The following RARS1 variants were observed in gnomAD, a reference collection of about 807,000 sequenced individuals.
The protein encoded by RARS1 is arginyl-tRNA synthetase 1.
Under a neutral mutation model 78.7 loss-of-function variants are expected in RARS1, and 75 were observed. The ratio of observed to expected loss-of-function variants is 0.95; its 90% CI spans 0.79 to 1.15. The LOEUF (loss-of-function observed/expected upper bound fraction) is 1.15, where lower values mean the gene tolerates loss of function less well. RARS1 is among the 50% of genes most tolerant of loss of function. The pLI is 0.00. For missense variants in RARS1, 787 were observed against 787.5 expected (o/e 1.00, Z 0.01); for synonymous variants, 273 against 268.2 (o/e 1.02, Z -0.18).
At chr5:168,494,050 C>A in intron 4 of RARS1, 48 bp downstream of exon 4, 4 of 1,483,378 alleles carry the variant, frequency 2.7e-6, no homozygotes, top group Non-Finnish European at 3.7e-6. Context: ...AACATGAGTC[C>A]TTTTTGAAGT....
At chr5:168,504,670 A>G (rs1199522082) in intron 9 of RARS1, among the ~76,000 whole-genome samples, 1 of 150,516 alleles carries the variant, frequency 6.6e-6, no homozygotes, top group East Asian at 2.0e-4. Context: ...CTAAAAATAC[A>G]AAAAATTAGC....
chr5:168,504,650 C>A (rs1480871176), intron 9 of RARS1, among the ~76,000 whole-genome samples: 7 of 151,856 alleles, frequency 4.6e-5, no homozygotes, highest in Non-Finnish European at 1.0e-4. Context: ...ACGGTGAAAC[C>A]CCGTCTCTAC....
At chr5:168,507,475 T>TA (rs1470146181) in intron 11 of RARS1, among the ~76,000 whole-genome samples, 1 of 152,200 alleles carries the variant, frequency 6.6e-6, no homozygotes, top group African/African-American at 2.4e-5. Context: ...TAGGATCACT[T>TA]ACCAAAAATC....
At position 168,494,984 on chromosome 5, in the gene RARS1, G is replaced by GGTCTAGC. The variant is rs2152903918; in HGVS notation, c.580-330_580-324dup. 9.1e-6 allele frequency: 3 copies of GGTCTAGC among 329,044 alleles called. No individual in the cohort carries two copies. In the East Asian group the frequency reaches 1.8e-4, roughly 19 times the overall value. 20.4% of individuals were successfully genotyped at this position (329,044 alleles called of 1,614,324 possible). ...CATTTATGAAGTAGCCTTTCCCCTG[G>GGTCTAGC]GTCTAGCATGTTGTGTGATTTTTTT... On this transcript the variant is annotated intron_variant, in intron 5 of 14. Transcript: ENST00000231572.
rs751023368 is a variant in RARS1, at chr5:168,488,617, T to G, written c.61T>G (p.Ser21Ala). Residue 21 changes from serine to alanine, a missense_variant, in exon 2 of 15, where the codon TCT becomes GCT. Transcript: ENST00000231572. ...TTTCCCACAGGAAGAAGAGATTAAA[T>G]CTCTGACTGCTGAAATTGACCGGTT... is the stretch of plus-strand genomic sequence containing the variant. ...RLLQQEEEIK[S>A]LTAEIDRLKN... is the part of the protein sequence containing the mutation. 1.4e-5 allele frequency: 23 copies of G among 1,606,706 alleles called. No homozygotes were observed. Among genetic ancestry groups the G allele is most frequent in the Non-Finnish European group, 1.8e-5 (21 of 1,178,344 alleles).
Position 168,502,113 on chromosome 5 carries a change from C to T in RARS1, c.1057+8C>T. The stretch of plus-strand genomic sequence containing the variant: ...AGGAATTTGAAGATAGAGGTAGGCA[C>T]TCTTCTTTTAACTTTTTATTATGGA... On this transcript the variant is annotated splice_region_variant and intron_variant, in intron 9 of 14. Coordinates refer to ENST00000231572, the MANE Select transcript of RARS1 (RefSeq NM_002887.4). The T allele has an allele frequency of 1.3e-6, 2 of 1,579,838 alleles. No homozygotes were observed. Among genetic ancestry groups the T allele is most frequent in the South Asian group, 2.4e-5 (2 of 84,304 alleles).
At chr5:168,497,696 C>T (rs1176680940) in intron 7 of RARS1, among the ~76,000 whole-genome samples, 1 of 152,080 alleles carries the variant, frequency 6.6e-6, no homozygotes, top group Non-Finnish European at 1.5e-5. Context: ...TTCATCTACA[C>T]TGGCAAGCCC....
At chr5:168,490,196 T>C (rs1276795398) in intron 2 of RARS1, among the ~76,000 whole-genome samples, 1 of 152,258 alleles carries the variant, frequency 6.6e-6, no homozygotes, top group Non-Finnish European at 1.5e-5. Flanking sequence ...TTGAGTCTTC[T>C]AGAATCACAA....
At chr5:168,513,412 C>T (rs886732458) in intron 12 of RARS1, among the ~76,000 whole-genome samples, 2 of 151,906 alleles carry the variant, frequency 1.3e-5, no homozygotes, top group African/African-American at 4.8e-5. Context: ...CTCCGTCTCC[C>T]GGGTTCAAGC....
At chr5:168,504,519 C>G (rs1758396246) in intron 9 of RARS1, among the ~76,000 whole-genome samples, 1 of 122,738 alleles carries the variant, frequency 8.1e-6, no homozygotes, top group South Asian at 2.6e-4. Context: ...AAGATTCTGT[C>G]TCAAAAAAAA....
chr5:168,512,920 A>C (rs1469104409), intron 12 of RARS1, among the ~76,000 whole-genome samples: 1 of 152,208 alleles, frequency 6.6e-6, no homozygotes, highest in East Asian at 1.9e-4. Context: ...CAATTGGTTT[A>C]GTCAGTGTTT....
chr5:168,498,002 C>G (rs2152904265), intron 7 of RARS1: 1 of 152,110 alleles, frequency 6.6e-6, no homozygotes, highest in South Asian at 2.1e-4. Flanking sequence ...CTGAGGCAAG[C>G]CGATTGCTTG....
At chr5:168,517,019 T>G in intron 13 of RARS1, 69 bp downstream of exon 13, 1 of 1,482,840 alleles carries the variant, frequency 6.7e-7, no homozygotes, top group Non-Finnish European at 9.2e-7. Flanking sequence ...AAAAATATTT[T>G]CTTTTTTTTT....
chr5:168,509,664 T>C (rs1184120125), intron 11 of RARS1, among the ~76,000 whole-genome samples: 1 of 21,104 alleles, frequency 4.7e-5, no homozygotes, highest in Non-Finnish European at 8.0e-5. Flanking sequence ...TCTTTCTTTC[T>C]TTTTTTTTTT....
At position 168,517,560 on chromosome 5, in the gene RARS1, T is replaced by C. The variant is rs17552440; in HGVS notation, c.1626-255T>C. Among the ~76,000 whole-genome samples, 19,765 of 152,206 alleles carry C rather than the reference T, an allele frequency of 0.13. 1,696 individuals carry two copies. Among genetic ancestry groups the C allele is most frequent in the Non-Finnish European group, 0.19 (13,021 of 67,978 alleles). On this transcript the variant is annotated intron_variant, in intron 13 of 14. Coordinates refer to ENST00000231572, the MANE Select transcript of RARS1 (RefSeq NM_002887.4). ...ACCTGGCCTTAACTGCACTTGCCGA[T>C]ACTCTTCTAGATGCTCTATGTTTAA...
intron 9 of RARS1, among the ~76,000 whole-genome samples, chr5:168,505,552 G>A (rs1758422687): frequency 6.6e-6 from 1 of 151,922 alleles, no homozygotes; most frequent in African/African-American, 2.4e-5. Context: ...TCATGTTCTG[G>A]TCCTACCGAG....
intron 5 of RARS1, 182 bp from the exon 6 acceptor site, chr5:168,495,133 A>T: frequency 9.9e-7 from 1 of 1,011,684 alleles, no homozygotes. Flanking sequence ...ATACAAGCAG[A>T]TCCATCATAA....
At chr5:168,504,780 G>A (rs1307831356) in intron 9 of RARS1, among the ~76,000 whole-genome samples, 4 of 150,660 alleles carry the variant, frequency 2.7e-5, no homozygotes, top group Admixed American at 2.0e-4. Flanking sequence ...AGCCGAGATC[G>A]CACCACTGCA....
In RARS1 at chr5:168,496,327, T is replaced by C. The variant is rs1184609582; in HGVS notation, c.701+891T>C. 2.1e-5 allele frequency among the ~76,000 whole-genome samples: 3 copies of C among 145,664 alleles called. No individual in the cohort carries two copies. In the East Asian group the frequency reaches 6.2e-4, roughly 30 times the overall value. ...CTGGGAGGCAGAGATAGCAGTGAGC[T>C]GAGATCGTGCCACTGCACTCCAGCC... On this transcript the variant is annotated intron_variant, in intron 6 of 14. Transcript: ENST00000231572.
Sources: allele counts gnomAD v4.1 joint callset (sites outside exome capture counted in the v4.1 genomes callset), GRCh38; gene constraint gnomAD v4.1.1; transcripts MANE v1.5; gene names NCBI Gene and HGNC (gene_info 2026-07-23, HGNC 2026-07-21).